Variants in ZNF836 observed in about 807,000 individuals in gnomAD.
ZNF836 encodes zinc finger protein 836.
ZNF836 carries 12 observed loss-of-function variants against 7.4 expected under a neutral mutation model. The observed-to-expected ratio is 1.61, with a 90% confidence interval of 1.03 to 2.61. ZNF836 has a LOEUF of 2.61. ZNF836 is among the 30% of genes most tolerant of loss of function. The probability of loss-of-function intolerance (pLI) is 0.00; values close to 1 mark genes in which losing one functional copy is unlikely to be tolerated. For missense variants in ZNF836, 998 were observed against 1,126.2 expected (o/e 0.89, Z 1.63); for synonymous variants, 365 against 382.6 (o/e 0.95, Z 0.54).
chr19:52,158,856 T>C (rs1299210068), intron 4 of ZNF836, among the ~76,000 whole-genome samples: 1 of 152,200 alleles, frequency 6.6e-6, no homozygotes, highest in African/African-American at 2.4e-5. Flanking sequence ...AAAACTCGTA[T>C]GTTGGGGTCC....
rs868820042 is a variant in ZNF836 at position 52,156,263 on chromosome 19, C to T, written c.1420G>A (p.Glu474Lys). Residue 474 changes from glutamate (E) to lysine (K), a missense_variant, in exon 5 of 5, where the codon GAA becomes AAA. Transcript: ENST00000682614. The stretch of plus-strand genomic sequence containing the variant: ...GTCTGACTGAAGACCTTGCCACATT[C>T]ATTGCATTTGTAAGGTTTCTCTCCA... ...HTGEKPYKCN[E>K]CGKVFSQTSH... is the part of the protein sequence containing the mutation. 1 of 1,613,920 alleles carries T rather than the reference C, an allele frequency of 6.2e-7. No homozygotes were observed. Among genetic ancestry groups the T allele is most frequent in the South Asian group, 1.1e-5 (1 of 91,064 alleles).
intron 3 of ZNF836, among the ~76,000 whole-genome samples, chr19:52,167,701 C>T (rs187202959): frequency 5.6e-4 from 85 of 152,114 alleles, no homozygotes; most frequent in Non-Finnish European, 6.6e-4. Flanking sequence ...ATGTGACTTC[C>T]GTGTGCAGCT....
At position 52,155,234 on chromosome 19, in the gene ZNF836, C is replaced by G. The variant is rs777569827; in HGVS notation, c.2449G>C (p.Val817Leu). The G allele has an allele frequency of 1.0e-4, 163 of 1,613,794 alleles. 1 individual carries two copies. The highest frequency in any genetic ancestry group is 1.7e-5 in the Admixed American group (1 of 59,994). ...TGATGATTAACCAGAATTGAACGCA[C>G]TCTAAAGGCTTTGCCACACTCATTA... ...VCNECGKAFR[V>L]RSILVNHQKM... The change falls in exon 5 of 5, where the codon GTG becomes CTG. Residue 817 changes from valine to leucine, a missense_variant. Val to Leu is a conservative substitution (Grantham distance 32, BLOSUM62 1). Transcript: ENST00000682614.
chr19:52,157,891 T>C (rs2089180762), intron 4 of ZNF836, among the ~76,000 whole-genome samples: 1 of 152,058 alleles, frequency 6.6e-6, no homozygotes, highest in South Asian at 2.1e-4. Context: ...TAAAAATAAC[T>C]AGTATTATTT....
Position 52,155,705 on chromosome 19 carries a change from G to C in ZNF836, c.1978C>G (p.His660Asp). 6.2e-7 allele frequency: 1 copy of C among 1,614,184 alleles called. No homozygotes were observed. Among genetic ancestry groups the C allele is most frequent in the Middle Eastern group, 1.6e-4 (1 of 6,062 alleles). The change falls in exon 5 of 5, where the codon CAT becomes GAT. Residue 660 changes from histidine to aspartate, a missense_variant. By Grantham distance (81) the His-to-Asp change is moderately conservative. Transcript: ENST00000682614. ...YSCLARHRKI[H>D]TGEKPYKCND... ...CATTTGTAAGGTTTCTCTCCGGTAT[G>C]AATTTTCCGATGACGTGCTAGGCAT...
chr19:52,154,715 G>C lies in ZNF836; in HGVS notation c.*157C>G, dbSNP rs1384212764. 3 of 607,326 alleles carry C rather than the reference G, an allele frequency of 4.9e-6. No homozygotes were observed. Among genetic ancestry groups the C allele is most frequent in the Non-Finnish European group, 8.0e-6 (3 of 377,268 alleles). 37.6% of individuals were successfully genotyped at this position (607,326 alleles called of 1,614,324 possible). A position where few individuals can be genotyped will look rare whatever the true frequency, so the allele number is the denominator to read the frequency against. On this transcript the variant is annotated 3_prime_UTR_variant, in exon 5 of 5. Transcript: ENST00000682614. ...TCACCAGAACTCACTATCCCAAGAA[G>C]AGCAAAAAGCGGGTGGTGCTAAACC... is the stretch of plus-strand genomic sequence containing the variant.
rs1280931882 is a variant in ZNF836, at chr19:52,169,669, C to T, written c.-102G>A. ...ATACCTCGTAGGCCTGGCGTGGTGG[C>T]TCCCGTCTGTAATCCCAGCACTCTG... On this transcript the variant is annotated 5_prime_UTR_variant, in exon 2 of 5. Transcript: ENST00000682614. 2 of 152,062 alleles carry T rather than the reference C, an allele frequency of 1.3e-5. No individual in the cohort carries two copies. Among genetic ancestry groups the T allele is most frequent in the African/African-American group, 4.8e-5 (2 of 41,360 alleles). The allele number at this position is 152,062 out of a possible 1,614,324, so 9.4% of individuals were successfully genotyped here.
chr19:52,155,148 T>C lies in ZNF836; in HGVS notation c.2535A>G (p.Glu845=), dbSNP rs1297737607. Reference sequence around the variant, plus strand: ...TTTGATGGTACACCAGCTTTGACCTTTCAATAAAAGCTTTACCACATTCAT... The same window carrying C: ...TTTGATGGTACACCAGCTTTGACCTCTCAATAAAAGCTTTACCACATTCAT... ...KCNECGKAFI[E]RSKLVYHQRN... Residue 845 remains glutamate, a synonymous_variant, in exon 5 of 5, where the codon GAA becomes GAG. Coordinates refer to ENST00000682614, the MANE Select transcript of ZNF836 (RefSeq NM_001102657.3). 2 of 1,613,762 alleles carry C rather than the reference T, an allele frequency of 1.2e-6. No individual in the cohort carries two copies. Among genetic ancestry groups the C allele is most frequent in the Non-Finnish European group, 1.7e-6 (2 of 1,179,950 alleles).
In ZNF836 at chr19:52,170,041, A is replaced by G. The variant is rs1047926270; in HGVS notation, c.-214-260T>C. ...TCACGAGTACAATTTAAAGAAATGA[A>G]TTTTAAATTAGAGTATAAAGTCACA... On this transcript the variant is annotated intron_variant, in intron 1 of 4. Transcript: ENST00000682614. Among the ~76,000 whole-genome samples, 20 of 152,128 alleles carry G rather than the reference A, an allele frequency of 1.3e-4. 1 individual carries two copies. Among genetic ancestry groups the G allele is most frequent in the Non-Finnish European group, 1.9e-4 (13 of 68,022 alleles).
At position 52,156,399 on chromosome 19, in the gene ZNF836, G is replaced by A. The variant is rs2089160223; in HGVS notation, c.1284C>T (p.Ser428=). 6.2e-7 allele frequency: 1 copy of A among 1,614,126 alleles called. No individual in the cohort carries two copies. Among genetic ancestry groups the A allele is most frequent in the Non-Finnish European group, 8.5e-7 (1 of 1,180,020 alleles). ...ECGKTFKRSS[S]LTTHQIIHTG... is the part of the protein sequence containing the mutation. ...TATGGATTATCTGATGTGTAGTGAG[G>A]CTGGAGCTCCGTTTAAAGGTTTTGC... The change falls in exon 5 of 5, where the codon AGC becomes AGT. Residue 428 remains serine, a synonymous_variant. Transcript: ENST00000682614.
rs1335967184 is a variant in ZNF836, at chr19:52,156,932, A to G, written c.751T>C (p.Cys251Arg). ...TTEKPYKCNE[C>R]GKAFHRGSLL... is the part of the protein sequence containing the mutation. ...GAGCCCCGATGAAAGGCTTTGCCAC[A>G]TTCATTGCATTTGTAAGGTTTCTCT... Residue 251 changes from cysteine to arginine, a missense_variant, in exon 5 of 5, where the codon TGT becomes CGT. Physicochemically the swap from Cys to Arg is radical, Grantham distance 180. Coordinates refer to ENST00000682614, the MANE Select transcript of ZNF836 (RefSeq NM_001102657.3). 10 of 1,614,202 alleles carry G rather than the reference A, an allele frequency of 6.2e-6. No individual in the cohort carries two copies. The South Asian group carries it at 9.9e-5, about 16-fold the overall frequency.
intron 1 of ZNF836, among the ~76,000 whole-genome samples, chr19:52,170,040 A>C (rs2089296312): frequency 6.6e-6 from 1 of 152,032 alleles, no homozygotes; most frequent in Admixed American, 6.5e-5. Flanking sequence ...TAAAGAAATG[A>C]ATTTTAAATT....
intron 3 of ZNF836, among the ~76,000 whole-genome samples, chr19:52,164,625 G>A (rs1392435396): frequency 1.3e-5 from 2 of 152,108 alleles, no homozygotes; most frequent in East Asian, 3.8e-4. Flanking sequence ...TTTTGACAGG[G>A]AGAGAAACAA....
At chr19:52,165,984 T>A (rs1228478414) in intron 3 of ZNF836, among the ~76,000 whole-genome samples, 2 of 152,150 alleles carry the variant, frequency 1.3e-5, no homozygotes, top group African/African-American at 4.8e-5. Flanking sequence ...CTTAATGTCC[T>A]TTTTTTATTT....
intron 4 of ZNF836, among the ~76,000 whole-genome samples, chr19:52,158,672 G>C: frequency 6.6e-6 from 1 of 152,130 alleles, no homozygotes; most frequent in East Asian, 1.9e-4. Flanking sequence ...GAACCCAGGA[G>C]GCAGAGGTTG....
Position 52,160,473 on chromosome 19 carries a change from A to G in ZNF836, c.134T>C (p.Val45Ala), listed in dbSNP as rs2089203305. 6.2e-7 allele frequency: 1 copy of G among 1,614,078 alleles called. No individual in the cohort carries two copies. Among genetic ancestry groups the G allele is most frequent in the South Asian group, 1.1e-5 (1 of 91,086 alleles). Residue 45 changes from valine (V) to alanine (A), a missense_variant, in exon 4 of 5, where the codon GTC becomes GCC. Physicochemically the swap from Val to Ala is moderately conservative, Grantham distance 64. Transcript: ENST00000682614. ...DVMLENYRNL[V>A]FLGILPKCMT... ...AGCAAAATTATCCTTACCCAGGAAG[A>G]CCAGGTTCCTGTAGTTCTCCAACAT... is the stretch of plus-strand genomic sequence containing the variant.
rs778185370 is a variant in ZNF836 at position 52,160,504 on chromosome 19, C to G, written c.103G>C (p.Asp35His). 3 of 1,614,120 alleles carry G rather than the reference C, an allele frequency of 1.9e-6. No individual in the cohort carries two copies. The Admixed American group carries it at 5.0e-5, about 27-fold the overall frequency. ...TTCCTGTAGTTCTCCAACATCACAT[C>G]CCAGTACAAAGCTTTCTGCACAGGG... is the stretch of plus-strand genomic sequence containing the variant. The part of the protein sequence containing the change: ...LDPVQKALYW[D>H]VMLENYRNLV... The change falls in exon 4 of 5, where the codon GAT becomes CAT. Residue 35 changes from aspartate to histidine, a missense_variant. By Grantham distance (81) the Asp-to-His change is moderately conservative. Coordinates refer to ENST00000682614, the MANE Select transcript of ZNF836 (RefSeq NM_001102657.3).
chr19:52,164,721 G>T (rs1469099993), intron 3 of ZNF836, among the ~76,000 whole-genome samples: 4 of 152,164 alleles, frequency 2.6e-5, no homozygotes, highest in Non-Finnish European at 5.9e-5. Flanking sequence ...TATTCTGGAA[G>T]TCCAATAAAT....
intron 4 of ZNF836, chr19:52,160,223 T>G: frequency 1.8e-6 from 1 of 555,568 alleles, no homozygotes; most frequent in Non-Finnish European, 3.1e-6. Context: ...TTATACTGAC[T>G]AATACTTAAA....
Sources: allele counts gnomAD v4.1 joint callset (sites outside exome capture counted in the v4.1 genomes callset), GRCh38; gene constraint gnomAD v4.1.1; transcripts MANE v1.5; gene names NCBI Gene and HGNC (gene_info 2026-07-23, HGNC 2026-07-21).